PCNX2: variants seen among roughly 807,000 people sequenced by gnomAD.
The protein encoded by PCNX2 is pecanex 2, also known as pecanex-like protein 2.
In PCNX2, 168 loss-of-function variants were observed where a neutral mutation model predicts 223.8. The observed-to-expected ratio is 0.75, with a 90% confidence interval of 0.66 to 0.85. The LOEUF is 0.85. Ranked by LOEUF, PCNX2 falls within the 40% of genes least tolerant of loss-of-function variation. PCNX2 has a pLI of 0.00. For synonymous variants in PCNX2, 1,006 were observed against 1,052.6 expected, an observed-to-expected ratio of 0.96 and a Z score of 0.86; for missense variants, 2,507 against 2,675.5, an observed-to-expected ratio of 0.94 and a Z score of 1.39.
intron 5 of PCNX2, among the ~76,000 whole-genome samples, chr1:233,256,656 G>A (rs1368864547): frequency 6.6e-6 from 1 of 152,204 alleles, no homozygotes; most frequent in African/African-American, 2.4e-5. Flanking sequence ...ATATTGGACT[G>A]CAGATATGGA....
At chr1:233,191,298 T>G (rs1380628026) in intron 15 of PCNX2, among the ~76,000 whole-genome samples, 1 of 152,200 alleles carries the variant, frequency 6.6e-6, no homozygotes, top group East Asian at 1.9e-4. Context: ...TAAATATGTG[T>G]CGACTATCAC....
intron 32 of PCNX2, among the ~76,000 whole-genome samples, chr1:232,992,348 C>T (rs916008235): frequency 1.3e-5 from 2 of 152,228 alleles, no homozygotes; most frequent in African/African-American, 4.8e-5. Flanking sequence ...TGGGTGTCAG[C>T]TTTGCCTGCT....
At chr1:233,032,387 G>A (rs758896237) in intron 25 of PCNX2, among the ~76,000 whole-genome samples, 3 of 152,144 alleles carry the variant, frequency 2.0e-5, no homozygotes, top group African/African-American at 7.2e-5. Context: ...ACAGGTGTGA[G>A]CCACCGCACC....
intron 10 of PCNX2, among the ~76,000 whole-genome samples, chr1:233,222,913 G>C (rs1657475483): frequency 6.6e-6 from 1 of 152,162 alleles, no homozygotes; most frequent in African/African-American, 2.4e-5. Context: ...AGTTAGATAT[G>C]CAAGTCTGGA....
In PCNX2 at chr1:233,001,738, C is replaced by CA; in HGVS notation, c.4953-58dup. 1 of 1,394,162 alleles carries CA rather than the reference C, an allele frequency of 7.2e-7. No homozygotes were observed. The highest frequency in any genetic ancestry group is 9.5e-7 in the Non-Finnish European group (1 of 1,055,584). 86.4% of individuals were successfully genotyped at this position (1,394,162 alleles called of 1,614,324 possible). A position where few individuals can be genotyped will look rare whatever the true frequency, so the allele number is the denominator to read the frequency against. On this transcript the variant is annotated intron_variant, in intron 28 of 33. Coordinates refer to ENST00000258229, the MANE Select transcript of PCNX2 (RefSeq NM_014801.4). The surrounding 1 kb of genome is among the most constrained non-coding windows in gnomAD (Gnocchi z 4.2). The stretch of plus-strand genomic sequence containing the variant: ...AATTTCAGAATCCTGTCATTGTGAG[C>CA]AAAGTTTGAGTCTCCCATTTGTCTA...
chr1:233,308,332 G>A, the PCNX2 span, among the ~76,000 whole-genome samples: 74 of 152,118 alleles, frequency 4.9e-4, 1 homozygote, highest in Non-Finnish European at 8.8e-4. Flanking sequence ...GGTGGTGGAT[G>A]CCTGCAATCC....
chr1:232,999,365 G>A lies in PCNX2; in HGVS notation c.5343C>T (p.Cys1781=), dbSNP rs372556619. ...GCTGCCCGGCCCAAAGTCCTCGGAC[G>A]CATTCTTTGTTAACCTGCAGGTCAG... ...SFKVIKVNKE[C]VRGLWAGQQQ... is the part of the protein sequence containing the mutation. Residue 1781 remains cysteine, a synonymous_variant, in exon 31 of 34, where the codon TGC becomes TGT. Coordinates refer to ENST00000258229, the MANE Select transcript of PCNX2 (RefSeq NM_014801.4). 7.5e-5 allele frequency: 119 copies of A among 1,594,456 alleles called. No individual in the cohort carries two copies. The highest frequency in any genetic ancestry group is 9.1e-5 in the Non-Finnish European group (107 of 1,170,706).
At chr1:233,144,841 ACT>A (rs1677329810) in intron 19 of PCNX2, among the ~76,000 whole-genome samples, 3 of 151,462 alleles carry the variant, frequency 2.0e-5, no homozygotes, top group South Asian at 4.2e-4. Context: ...TTAGATTTTC[ACT>A]CTCTTAATAG....
intron 21 of PCNX2, among the ~76,000 whole-genome samples, chr1:233,102,738 A>C (rs1425395859): frequency 6.6e-6 from 1 of 152,022 alleles, no homozygotes; most frequent in Non-Finnish European, 1.5e-5. Flanking sequence ...TAGTTGTTTG[A>C]GTTCCTAATA....
At chr1:232,998,219 A>G in intron 32 of PCNX2, 32 bp downstream of exon 32, 5 of 1,496,284 alleles carry the variant, frequency 3.3e-6, no homozygotes, top group Non-Finnish European at 4.4e-6. Context: ...ATAGGACTTC[A>G]TCGATAGTTT....
At chr1:233,133,619 G>A (rs1410114232) in intron 21 of PCNX2, among the ~76,000 whole-genome samples, 2 of 152,184 alleles carry the variant, frequency 1.3e-5, no homozygotes, top group East Asian at 1.9e-4. Flanking sequence ...ACTTTGGGAG[G>A]CCAAGGTAGG....
chr1:233,193,516 AT>A (rs1359472480), intron 15 of PCNX2, among the ~76,000 whole-genome samples: 1 of 152,202 alleles, frequency 6.6e-6, no homozygotes, highest in African/African-American at 2.4e-5. Context: ...CAACAAAGAA[AT>A]TTTAGCCCTA....
chr1:233,278,834 C>A (rs917709820), intron 1 of PCNX2, among the ~76,000 whole-genome samples: 1 of 152,152 alleles, frequency 6.6e-6, no homozygotes, highest in African/African-American at 2.4e-5. Flanking sequence ...TTCCTCTTTA[C>A]AGTATCATTT....
chr1:233,322,270 G>A, the PCNX2 span, among the ~76,000 whole-genome samples: 4 of 152,098 alleles, frequency 2.6e-5, no homozygotes, highest in East Asian at 1.9e-4. Context: ...CTTGTGTTGC[G>A]ATATATGTCC....
At chr1:233,087,704 C>T (rs1165108070) in intron 23 of PCNX2, among the ~76,000 whole-genome samples, 1 of 152,176 alleles carries the variant, frequency 6.6e-6, no homozygotes, top group Non-Finnish European at 1.5e-5. Context: ...GAGGACGCTG[C>T]GTTCTGATGC....
the PCNX2 span, among the ~76,000 whole-genome samples, chr1:233,325,119 T>C: frequency 1.3e-5 from 2 of 152,160 alleles, no homozygotes; most frequent in African/African-American, 4.8e-5. Flanking sequence ...GAAATACATT[T>C]TGTAAGGCCA....
At chr1:233,055,432 T>G (rs1672157830) in intron 24 of PCNX2, among the ~76,000 whole-genome samples, 1 of 152,116 alleles carries the variant, frequency 6.6e-6, no homozygotes, top group African/African-American at 2.4e-5. Flanking sequence ...GCGTGTTGAG[T>G]GGGGGTGAAA....
intron 21 of PCNX2, among the ~76,000 whole-genome samples, chr1:233,125,728 T>TG (rs1360737226): frequency 1.3e-5 from 2 of 152,128 alleles, no homozygotes; most frequent in African/African-American, 4.8e-5. Flanking sequence ...CTCTCTCTTT[T>TG]GGGGGAGGAT....
intron 23 of PCNX2, among the ~76,000 whole-genome samples, chr1:233,089,481 C>G (rs1056123647): frequency 1.3e-5 from 2 of 152,128 alleles, no homozygotes; most frequent in African/African-American, 4.8e-5. Flanking sequence ...CTCACCTTCC[C>G]GTAAGAATAA....
Sources: gnomAD v4.1 joint callset for allele counts (sites outside exome capture counted in the v4.1 genomes callset) on GRCh38, gnomAD v4.1.1 for gene constraint, Gnocchi (gnomAD v3.1) non-coding constraint, MANE v1.5 for transcripts, NCBI Gene and HGNC (gene_info 2026-07-23, HGNC 2026-07-21) for gene names.